UTP11: variants seen among roughly 807,000 people sequenced by gnomAD.
The protein encoded by UTP11 is probable U3 small nucleolar RNA-associated protein 11.
UTP11 carries 29 observed loss-of-function variants against 39.0 expected under a neutral mutation model. The observed-to-expected ratio is 0.74, with a 90% confidence interval of 0.55 to 1.01. The LOEUF is 1.01. UTP11 is among the 50% of genes least tolerant of loss of function. The pLI is 0.00. For synonymous variants in UTP11, 111 were observed against 105.0 expected (o/e 1.06, Z -0.35); for missense variants, 281 against 306.0 (o/e 0.92, Z 0.61).
chr1:38,016,721 CTT>C (rs1209255001), intron 2 of UTP11: 1 of 331,596 alleles, frequency 3.0e-6, no homozygotes, highest in East Asian at 6.5e-5. Flanking sequence ...AAAGTTGAAT[CTT>C]TTTCTCTTTG....
At chr1:38,021,296 C>G (rs934137307) in intron 6 of UTP11, among the ~76,000 whole-genome samples, 1 of 152,168 alleles carries the variant, frequency 6.6e-6, no homozygotes, top group Non-Finnish European at 1.5e-5. Flanking sequence ...GATTAGTATT[C>G]CAAATTCCCA....
chr1:38,018,610 G>A (rs959908201), intron 4 of UTP11, 33 bp downstream of exon 4: 5 of 1,489,168 alleles, frequency 3.4e-6, no homozygotes, highest in Non-Finnish European at 4.6e-6. Context: ...TGGTTTTATT[G>A]GTTAAGAAGG....
Position 38,012,765 on chromosome 1 carries a change from C to A in UTP11, c.-38C>A. 6.2e-7 allele frequency: 1 copy of A among 1,613,800 alleles called. No individual in the cohort carries two copies. Among genetic ancestry groups the A allele is most frequent in the South Asian group, 1.1e-5 (1 of 91,078 alleles). ...CTTGGCGGCAGAGGCAGTGCGGATC[C>A]GGCGTTCTCCACTGATCTTTTCCAA... On this transcript the variant is annotated 5_prime_UTR_variant, in exon 1 of 8. Transcript: ENST00000373014.
At chr1:38,013,631 CAG>C (rs1239897897) in intron 1 of UTP11, among the ~76,000 whole-genome samples, 2 of 152,156 alleles carry the variant, frequency 1.3e-5, no homozygotes, top group Non-Finnish European at 2.9e-5. Flanking sequence ...ATGAGGAAGA[CAG>C]GGGAAAGAGT....
In UTP11 at chr1:38,023,890, G is replaced by A; in HGVS notation, c.*262G>A. 3.8e-6 allele frequency: 1 copy of A among 261,304 alleles called. No individual in the cohort carries two copies. Among genetic ancestry groups the A allele is most frequent in the South Asian group, 7.3e-5 (1 of 13,790 alleles). 16.2% of individuals were successfully genotyped at this position (261,304 alleles called of 1,614,324 possible). A position where few individuals can be genotyped will look rare whatever the true frequency, so the allele number is the denominator to read the frequency against. On this transcript the variant is annotated 3_prime_UTR_variant, in exon 8 of 8. Coordinates refer to ENST00000373014, the MANE Select transcript of UTP11 (RefSeq NM_016037.4). ...TAGGGTCTTTGTTGCCAGGCTGGAA[G>A]TGCAGTGTGTGATTATGGCTCACTG...
intron 6 of UTP11, among the ~76,000 whole-genome samples, chr1:38,021,393 A>G (rs1227004155): frequency 1.3e-5 from 2 of 152,064 alleles, no homozygotes; most frequent in African/African-American, 2.4e-5. Context: ...GTTTCTTTCT[A>G]TTTTGTTTAC....
chr1:38,017,626 T>C (rs1176814703), intron 2 of UTP11, 42 bp from the exon 3 acceptor site: 2 of 1,172,150 alleles, frequency 1.7e-6, no homozygotes, highest in Non-Finnish European at 2.3e-6. Flanking sequence ...AATTATCTAT[T>C]TTTTTTTTTT....
At chr1:38,023,468 A>G in intron 7 of UTP11, 77 bp from the exon 8 acceptor site, 1 of 1,319,222 alleles carries the variant, frequency 7.6e-7, no homozygotes, top group East Asian at 2.3e-5. Flanking sequence ...GCAGGTGCTA[A>G]TAGGTAGTTT....
intron 1 of UTP11, among the ~76,000 whole-genome samples, chr1:38,016,075 C>CA (rs1646705525): frequency 6.6e-6 from 1 of 152,260 alleles, no homozygotes; most frequent in Non-Finnish European, 1.5e-5. Flanking sequence ...GTACAACTGG[C>CA]AACTGCTTGC....
chr1:38,014,468 A>T (rs2148736387), intron 1 of UTP11, among the ~76,000 whole-genome samples: 1 of 152,346 alleles, frequency 6.6e-6, no homozygotes, highest in African/African-American at 2.4e-5. Flanking sequence ...CAGATACAAT[A>T]CCAGGTTTCC....
intron 7 of UTP11, among the ~76,000 whole-genome samples, chr1:38,023,180 A>G (rs890535881): frequency 6.6e-6 from 1 of 152,258 alleles, no homozygotes. Context: ...GCTGAGGAAT[A>G]TAAGATGCCT....
chr1:38,019,001 T>G, intron 4 of UTP11, 58 bp from the exon 5 acceptor site: 1 of 1,388,634 alleles, frequency 7.2e-7, no homozygotes, highest in Non-Finnish European at 9.7e-7. Flanking sequence ...CAGTTTTTTT[T>G]TTTTTTTGGT....
At chr1:38,019,484 A>T in intron 6 of UTP11, 101 bp downstream of exon 6, 3 of 1,083,196 alleles carry the variant, frequency 2.8e-6, no homozygotes, top group Admixed American at 3.4e-5. Context: ...AATTTTTAAA[A>T]TTTATTTTAT....
chr1:38,019,016 T>A, intron 4 of UTP11, 43 bp from the exon 5 acceptor site: 29 of 1,363,544 alleles, frequency 2.1e-5, no homozygotes, highest in Non-Finnish European at 2.7e-5. Flanking sequence ...TTTGGTACCC[T>A]AGAAGAATCT....
chr1:38,020,691 T>C (rs1434971209), intron 6 of UTP11, among the ~76,000 whole-genome samples: 2 of 152,222 alleles, frequency 1.3e-5, no homozygotes, highest in African/African-American at 2.4e-5. Flanking sequence ...GCTTTAGTAA[T>C]ATAAATACCC....
At chr1:38,020,498 A>G (rs1270169246) in intron 6 of UTP11, among the ~76,000 whole-genome samples, 1 of 152,178 alleles carries the variant, frequency 6.6e-6, no homozygotes. Context: ...TGCAGAAGAC[A>G]TGCTTTTCCT....
intron 4 of UTP11, 96 bp from the exon 5 acceptor site, chr1:38,018,960 CAAT>C (rs771654504): frequency 5.0e-6 from 5 of 999,616 alleles, no homozygotes; most frequent in Non-Finnish European, 7.3e-6. Context: ...TGCTGGCTGG[CAAT>C]AATGATGTGA....
At position 38,019,299 on chromosome 1, in the gene UTP11, A is replaced by G; in HGVS notation, c.483A>G (p.Leu161=). 1.2e-6 allele frequency: 2 copies of G among 1,614,168 alleles called. No individual in the cohort carries two copies. The highest frequency in any genetic ancestry group is 8.5e-7 in the Non-Finnish European group (1 of 1,180,016). Residue 161 remains leucine, a synonymous_variant, in exon 6 of 8, where the codon CTA becomes CTG. Coordinates refer to ENST00000373014, the MANE Select transcript of UTP11 (RefSeq NM_016037.4). ...CTCACCTGCAAACAGCCCCGGAGCT[A>G]GTCGACAGAGTCTTTAATAGGCCCA... The part of the protein sequence containing the change: ...VATHLQTAPE[L]VDRVFNRPRI...
intron 3 of UTP11, among the ~76,000 whole-genome samples, 185 bp from the exon 4 acceptor site, chr1:38,018,279 C>G (rs1049290756): frequency 3.3e-5 from 5 of 152,086 alleles, no homozygotes; most frequent in African/African-American, 1.2e-4. Context: ...CCATGTTGGT[C>G]AGGCTGGTCT....
Sources: gnomAD v4.1 joint callset for allele counts (sites outside exome capture counted in the v4.1 genomes callset) on GRCh38, gnomAD v4.1.1 for gene constraint, MANE v1.5 for transcripts, NCBI Gene and HGNC (gene_info 2026-07-23, HGNC 2026-07-21) for gene names.